Variants in NMRK1 observed in about 807,000 individuals in gnomAD.
NMRK1 encodes NRK 1.
NMRK1 carries 28 observed loss-of-function variants against 29.9 expected under a neutral mutation model. That is an observed-to-expected ratio of 0.94 (90% CI 0.69 to 1.28). The LOEUF (loss-of-function observed/expected upper bound fraction) is 1.28, where lower values mean the gene tolerates loss of function less well. Ranked by LOEUF, NMRK1 falls within the 50% of genes most tolerant of loss-of-function variation. The pLI, the probability that NMRK1 is intolerant of heterozygous loss-of-function variation, is 0.00. For missense variants in NMRK1, 218 were observed against 233.1 expected (o/e 0.94, Z 0.42); for synonymous variants, 58 against 73.0 (o/e 0.79, Z 1.05).
chr9:75,072,476 A>G lies in NMRK1; in HGVS notation c.170-2434T>C, dbSNP rs1823753617. ...ATTTAGCTTTTGACCCAAGGAATAG[A>G]TAAGTGTTTTGCTTCAGATAAACTA... On this transcript the variant is annotated intron_variant, in intron 4 of 8. Transcript: ENST00000361092. Among the ~76,000 whole-genome samples, 3 of 152,348 alleles carry G rather than the reference A, an allele frequency of 2.0e-5. No homozygotes were observed. The South Asian group carries it at 6.2e-4, about 32-fold the overall frequency.
intron 6 of NMRK1, 28 bp from the exon 7 acceptor site, chr9:75,069,130 T>C: frequency 6.8e-7 from 1 of 1,470,384 alleles, no homozygotes; most frequent in South Asian, 1.1e-5. Flanking sequence ...AAACTTTATG[T>C]TGACAGAAAC....
At position 75,066,792 on chromosome 9, in the gene NMRK1, T is replaced by C. The variant is rs2118028510; in HGVS notation, c.545A>G (p.Tyr182Cys). 1 of 1,609,324 alleles carries C rather than the reference T, an allele frequency of 6.2e-7. No homozygotes were observed. The highest frequency in any genetic ancestry group is 2.2e-5 in the East Asian group (1 of 44,812). The stretch of plus-strand genomic sequence containing the variant: ...TGCTAGTTCTTGTATTAGATCTTCA[T>C]ATACTTGCAAAAAGAGGTCCTCTTC... ...KSEEDLFLQV[Y>C]EDLIQELAKQ... Residue 182 changes from tyrosine (Y) to cysteine (C), a missense_variant, in exon 8 of 9, where the codon TAT becomes TGT. Tyr to Cys is a radical substitution (Grantham distance 194). Coordinates refer to ENST00000361092, the MANE Select transcript of NMRK1 (RefSeq NM_017881.3).
chr9:75,066,294 GA>G (rs1311617649), intron 8 of NMRK1: 2 of 518,040 alleles, frequency 3.9e-6, no homozygotes, highest in Non-Finnish European at 7.7e-6. Flanking sequence ...CGTCCAATAT[GA>G]AAACCTTAAA....
At chr9:75,073,593 G>C (rs1331607237) in intron 4 of NMRK1, among the ~76,000 whole-genome samples, 3 of 152,034 alleles carry the variant, frequency 2.0e-5, no homozygotes, top group Non-Finnish European at 2.9e-5. Flanking sequence ...AAAAAAATTA[G>C]TCAGGCGTGG....
intron 4 of NMRK1, among the ~76,000 whole-genome samples, chr9:75,071,850 G>A (rs12686433): frequency 0.13 from 19,918 of 152,116 alleles, 1,329 homozygotes; most frequent in South Asian, 0.18. Context: ...GAGTAAGGAA[G>A]GTGAAGTGCC....
chr9:75,076,439 G>C (rs926944833), intron 4 of NMRK1, among the ~76,000 whole-genome samples: 3 of 152,080 alleles, frequency 2.0e-5, no homozygotes, highest in African/African-American at 7.2e-5. Context: ...GAGGCAGGTG[G>C]GGGGGAATGA....
intron 1 of NMRK1, among the ~76,000 whole-genome samples, chr9:75,085,730 T>G (rs1271552543): frequency 4.7e-5 from 6 of 128,160 alleles, no homozygotes; most frequent in South Asian, 2.7e-4. Flanking sequence ...ATGTAAGTTT[T>G]TTTTTTTTTT....
intron 7 of NMRK1, among the ~76,000 whole-genome samples, chr9:75,068,055 G>T (rs3758188): frequency 6.6e-6 from 1 of 152,000 alleles, no homozygotes; most frequent in Non-Finnish European, 1.5e-5. Context: ...ATGTGCAAAA[G>T]AGACATGCAT....
intron 3 of NMRK1, 30 bp from the exon 4 acceptor site, chr9:75,077,237 CAG>C (rs756284428): frequency 1.4e-6 from 2 of 1,440,042 alleles, no homozygotes; most frequent in Non-Finnish European, 1.9e-6. Context: ...CCCATCAAAA[CAG>C]TGTGTAGGAA....
chr9:75,070,620 G>T (rs1254131501), intron 4 of NMRK1, among the ~76,000 whole-genome samples: 4 of 152,188 alleles, frequency 2.6e-5, no homozygotes, highest in African/African-American at 7.2e-5. Flanking sequence ...GCTTTTAAAA[G>T]TATGGTACTT....
intron 2 of NMRK1, among the ~76,000 whole-genome samples, 177 bp from the exon 3 acceptor site, chr9:75,077,757 TCCC>T (rs1449606905): frequency 1.6e-4 from 24 of 152,098 alleles, no homozygotes; most frequent in Middle Eastern, 3.4e-3. Flanking sequence ...TGCCTCAGCC[TCCC>T]GAGGAGCTGG....
intron 8 of NMRK1, among the ~76,000 whole-genome samples, chr9:75,064,151 A>G (rs965222065): frequency 5.9e-5 from 9 of 152,154 alleles, no homozygotes; most frequent in African/African-American, 2.2e-4. Flanking sequence ...GATGGTGAAG[A>G]CTGAATTTGG....
intron 1 of NMRK1, among the ~76,000 whole-genome samples, chr9:75,084,748 C>A (rs976772905): frequency 7.9e-5 from 12 of 152,176 alleles, no homozygotes; most frequent in African/African-American, 2.9e-4. Flanking sequence ...GGAGATTGAG[C>A]CGCTGCACTC....
At chr9:75,065,295 G>A (rs970713763) in intron 8 of NMRK1, among the ~76,000 whole-genome samples, 9 of 151,956 alleles carry the variant, frequency 5.9e-5, no homozygotes, top group African/African-American at 1.7e-4. Flanking sequence ...TCAGCCTCCC[G>A]GGTAGCTGGG....
rs1453072350 is a variant in NMRK1 at position 75,061,435 on chromosome 9, T to A, written c.*113A>T. On this transcript the variant is annotated 3_prime_UTR_variant, in exon 9 of 9. Transcript: ENST00000361092. ...CCATGTGCAATAAAAATCAAACATA[T>A]GAAACAATGGCTGTCATTGTACCAC... The A allele has an allele frequency of 1.1e-5, 9 of 806,224 alleles. No individual in the cohort carries two copies. The highest frequency in any genetic ancestry group is 1.7e-5 in the African/African-American group (1 of 57,844). 49.9% of individuals were successfully genotyped at this position (806,224 alleles called of 1,614,324 possible). A position where few individuals can be genotyped will look rare whatever the true frequency, so the allele number is the denominator to read the frequency against.
chr9:75,077,456 A>T, intron 3 of NMRK1, 34 bp downstream of exon 3: 1 of 1,361,824 alleles, frequency 7.3e-7, no homozygotes, highest in African/African-American at 1.5e-5. Flanking sequence ...ACATTTTTGT[A>T]TTAAATAAAT....
chr9:75,073,409 C>T (rs1400271296), intron 4 of NMRK1, among the ~76,000 whole-genome samples: 1 of 152,120 alleles, frequency 6.6e-6, no homozygotes, highest in East Asian at 1.9e-4. Context: ...TGTTATGTTG[C>T]CCTAGCAAAC....
intron 2 of NMRK1, among the ~76,000 whole-genome samples, chr9:75,080,649 A>G (rs1030068066): frequency 6.6e-6 from 1 of 152,168 alleles, no homozygotes; most frequent in African/African-American, 2.4e-5. Context: ...CTCTGTCTCA[A>G]AAAAGAAATG....
At chr9:75,083,253 G>C (rs1283320110) in intron 1 of NMRK1, 103 bp from the exon 2 acceptor site, 1 of 668,698 alleles carries the variant, frequency 1.5e-6, no homozygotes, top group African/African-American at 1.8e-5. Flanking sequence ...AGGGGAGGAT[G>C]ACAGTGACCT....
Sources: gnomAD v4.1 joint callset for allele counts (sites outside exome capture counted in the v4.1 genomes callset) on GRCh38, gnomAD v4.1.1 for gene constraint, MANE v1.5 for transcripts, NCBI Gene and HGNC (gene_info 2026-07-23, HGNC 2026-07-21) for gene names.